The following EGLN3 variants were observed in gnomAD, a reference collection of about 807,000 sequenced individuals.
EGLN3 encodes egl-9 family hypoxia inducible factor 3, also known as prolyl hydroxylase EGLN3.
Under a neutral mutation model 26.0 loss-of-function variants are expected in EGLN3, and 15 were observed. That is an observed-to-expected ratio of 0.58 (90% confidence interval 0.39 to 0.89). The LOEUF (loss-of-function observed/expected upper bound fraction) is 0.89. EGLN3 is among the 40% of genes least tolerant of loss of function. The pLI is 0.00. For synonymous variants in EGLN3, 147 were observed against 127.2 expected (o/e 1.16, Z -1.05); for missense variants, 238 against 311.6 (o/e 0.76, Z 1.78).
chr14:33,935,786 T>C (rs978189249), intron 1 of EGLN3, among the ~76,000 whole-genome samples: 3 of 152,048 alleles, frequency 2.0e-5, no homozygotes, highest in African/African-American at 7.2e-5. Flanking sequence ...TCATCCTGAA[T>C]GCCATCCACA....
intron 1 of EGLN3, among the ~76,000 whole-genome samples, chr14:33,945,413 C>A (rs998163317): frequency 2.0e-5 from 3 of 152,196 alleles, no homozygotes; most frequent in African/African-American, 7.2e-5. Context: ...CAGACTACGG[C>A]TGATAGATCC....
At position 33,929,154 on chromosome 14, in the gene EGLN3, T is replaced by A. The variant is rs975158628; in HGVS notation, c.536A>T (p.Glu179Val). The A allele has an allele frequency of 6.2e-7, 1 of 1,614,066 alleles. No homozygotes were observed. Among genetic ancestry groups the A allele is most frequent in the African/African-American group, 1.3e-5 (1 of 74,924 alleles). ...PEGKSFIADV[E>V]PIFDRLLFFW... is the part of the protein sequence containing the mutation. ...GAACAGGAGTCTGTCAAAAATGGGCTCCACATCTGCTATGAATGATTTCCC... is the reference window on the plus strand; with the variant it reads ...GAACAGGAGTCTGTCAAAAATGGGCACCACATCTGCTATGAATGATTTCCC... Residue 179 changes from glutamate to valine, a missense_variant, in exon 3 of 5, where the codon GAG (glutamate) becomes GTG (valine). Glu to Val is a moderately radical substitution (Grantham distance 121). Transcript: ENST00000250457.
chr14:33,926,870 T>C, intron 4 of EGLN3, 90 bp downstream of exon 4: 1 of 924,510 alleles, frequency 1.1e-6, no homozygotes, highest in Non-Finnish European at 1.6e-6. Flanking sequence ...CCGTAACAGA[T>C]TGAACAGAAC....
rs995231855 is a variant in EGLN3 at position 33,924,558 on chromosome 14, C to T, written c.*1333G>A. 2 of 151,820 alleles carry T rather than the reference C, an allele frequency of 1.3e-5. No homozygotes were observed. The highest frequency in any genetic ancestry group is 2.9e-5 in the Non-Finnish European group (2 of 67,986). The allele number at this position is 151,820 out of a possible 1,614,324, so 9.4% of individuals were successfully genotyped here. A position where few individuals can be genotyped will look rare whatever the true frequency, so the allele number is the denominator to read the frequency against. ...AAGACTATATATATATATATCCGTACATAACAAAGGAAAATATTTCTGGCT... is the reference window on the plus strand; with the variant it reads ...AAGACTATATATATATATATCCGTATATAACAAAGGAAAATATTTCTGGCT... On this transcript the variant is annotated 3_prime_UTR_variant, in exon 5 of 5. Transcript: ENST00000250457.
Position 33,927,023 on chromosome 14 carries a change from T to G in EGLN3, c.625A>C (p.Thr209Pro). Residue 209 changes from threonine (T) to proline (P), a missense_variant, in exon 4 of 5, where the codon ACT becomes CCT. By Grantham distance (38) the Thr-to-Pro change is conservative. Transcript: ENST00000250457. ...QPSYATRYAM[T>P]VWYFDAEERA... ...TCTTCAGCATCAAAGTACCAGACAG[T>G]CATAGCATATCTGTGAAAGATAAGC... 1 of 1,598,376 alleles carries G rather than the reference T, an allele frequency of 6.3e-7. No homozygotes were observed. Among genetic ancestry groups the G allele is most frequent in the Non-Finnish European group, 8.5e-7 (1 of 1,172,536 alleles).
At chr14:33,928,915 CAA>C (rs975064538) in intron 3 of EGLN3, among the ~76,000 whole-genome samples, 159 bp downstream of exon 3, 3 of 152,204 alleles carry the variant, frequency 2.0e-5, no homozygotes, top group African/African-American at 7.2e-5. Flanking sequence ...CTAAAGAACG[CAA>C]AGTTTCCCCT....
chr14:33,937,802 C>A (rs1399702146), intron 1 of EGLN3, among the ~76,000 whole-genome samples: 2 of 152,174 alleles, frequency 1.3e-5, no homozygotes, highest in Admixed American at 1.3e-4. Context: ...CATACCTACA[C>A]CTGAATTTTC....
Position 33,929,088 on chromosome 14 carries a change from G to C in EGLN3, c.602C>G (p.Ser201Cys). ...CTCCGGCTATTACCTGGTTGCGTAA[G>C]AGGGCTGCACTTCGTGTGGGTTCCT... ...DRRNPHEVQP[S>C]YATRYAMTVW... The change falls in exon 3 of 5, where the codon TCT becomes TGT. Residue 201 changes from serine (S) to cysteine (C), a missense_variant. By Grantham distance (112) the Ser-to-Cys change is moderately radical (BLOSUM62 -1). Coordinates refer to ENST00000250457, the MANE Select transcript of EGLN3 (RefSeq NM_022073.4). The C allele has an allele frequency of 6.2e-7, 1 of 1,613,930 alleles. No individual in the cohort carries two copies. Among genetic ancestry groups the C allele is most frequent in the Non-Finnish European group, 8.5e-7 (1 of 1,180,002 alleles).
chr14:33,939,303 C>T (rs1319932616), intron 1 of EGLN3, among the ~76,000 whole-genome samples: 1 of 152,046 alleles, frequency 6.6e-6, no homozygotes, highest in East Asian at 1.9e-4. Flanking sequence ...CTCTGCCTCC[C>T]GGGTTCAGGC....
At chr14:33,936,178 C>T (rs1429283511) in intron 1 of EGLN3, among the ~76,000 whole-genome samples, 3 of 151,928 alleles carry the variant, frequency 2.0e-5, no homozygotes, top group Middle Eastern at 3.4e-3. Context: ...TGCAGTGAGC[C>T]GAGATCGCAC....
At chr14:33,935,930 C>G (rs917340683) in intron 1 of EGLN3, among the ~76,000 whole-genome samples, 4 of 152,196 alleles carry the variant, frequency 2.6e-5, no homozygotes, top group Non-Finnish European at 5.9e-5. Context: ...ACACAGACAA[C>G]TAGATGTGTA....
At chr14:33,930,999 G>A (rs752048232) in intron 2 of EGLN3, 97 bp downstream of exon 2, 40 of 1,510,778 alleles carry the variant, frequency 2.6e-5, no homozygotes, top group Non-Finnish European at 3.1e-5. Context: ...TGGGAGATAC[G>A]GCAACTATGA....
chr14:33,949,723 GGTT>G (rs1397893546), intron 1 of EGLN3: 3 of 153,194 alleles, frequency 2.0e-5, no homozygotes, highest in Admixed American at 6.5e-5. Context: ...GCACTTAACT[GGTT>G]GTTTTGAGTG....
intron 1 of EGLN3, among the ~76,000 whole-genome samples, chr14:33,946,592 G>A (rs2064520132): frequency 6.6e-6 from 1 of 151,980 alleles, no homozygotes; most frequent in South Asian, 2.1e-4. Flanking sequence ...ATCCCACACA[G>A]GCTGAACACT....
At chr14:33,937,562 T>C (rs879457895) in intron 1 of EGLN3, among the ~76,000 whole-genome samples, 7 of 152,228 alleles carry the variant, frequency 4.6e-5, no homozygotes, top group Admixed American at 6.5e-5. Flanking sequence ...CACCAGACCA[T>C]TTGGAAGATT....
chr14:33,942,457 C>A lies in EGLN3; in HGVS notation c.357+7939G>T, dbSNP rs118138224. On this transcript the variant is annotated intron_variant, in intron 1 of 4. Coordinates refer to ENST00000250457, the MANE Select transcript of EGLN3 (RefSeq NM_022073.4). ...GTTTTGTTGGCCTGGCCTGGTGGCTCACACCTGTAGTTTCAGTACTTTGGG... is the reference window on the plus strand; with the variant it reads ...GTTTTGTTGGCCTGGCCTGGTGGCTAACACCTGTAGTTTCAGTACTTTGGG... 1.4e-3 allele frequency among the ~76,000 whole-genome samples: 211 copies of A among 152,270 alleles called. 1 individual carries two copies. The East Asian group carries it at 0.032, about 23-fold the overall frequency.
chr14:33,926,897 AAAATTGAATAAAAGTCAAGGAT>A, intron 4 of EGLN3, 41 bp downstream of exon 4: 1 of 1,267,950 alleles, frequency 7.9e-7, no homozygotes, highest in Non-Finnish European at 1.1e-6. Flanking sequence ...AAAACTACAT[AAAATTGAATAAAAGTCAAGGAT>A]TAACTTGATC....
chr14:33,938,250 C>G (rs923172807), intron 1 of EGLN3, among the ~76,000 whole-genome samples: 3 of 152,224 alleles, frequency 2.0e-5, no homozygotes, highest in African/African-American at 7.2e-5. Flanking sequence ...AATCGCCCTC[C>G]CCCAAGAAGC....
chr14:33,940,037 T>A (rs2064471639), intron 1 of EGLN3, among the ~76,000 whole-genome samples: 2 of 152,236 alleles, frequency 1.3e-5, no homozygotes, highest in Admixed American at 6.5e-5. Flanking sequence ...AGAATTTTTT[T>A]AAAAGAGTGT....
Sources: gnomAD v4.1 joint callset for allele counts (sites outside exome capture counted in the v4.1 genomes callset) on GRCh38, gnomAD v4.1.1 for gene constraint, MANE v1.5 for transcripts, NCBI Gene and HGNC (gene_info 2026-07-23, HGNC 2026-07-21) for gene names.